Variants in CFAP299 observed in about 807,000 individuals in gnomAD.
CFAP299 encodes the protein cilia- and flagella-associated protein 299.
In CFAP299, 21 loss-of-function variants were observed where a neutral mutation model predicts 27.0. The ratio of observed to expected loss-of-function variants is 0.78; its 90% CI spans 0.55 to 1.12. CFAP299 has a LOEUF of 1.12. Among genes scored for constraint, CFAP299 ranks in the 50% most tolerant of loss-of-function variants. The pLI, the probability that CFAP299 is intolerant of heterozygous loss-of-function variation, is 0.00. For synonymous variants in CFAP299, 104 were observed against 98.1 expected (o/e 1.06, Z -0.36); for missense variants, 310 against 276.6 (o/e 1.12, Z -0.86).
intron 3 of CFAP299, among the ~76,000 whole-genome samples, chr4:80,599,842 C>T (rs1177285754): frequency 6.6e-6 from 1 of 151,862 alleles, no homozygotes; most frequent in Non-Finnish European, 1.5e-5. Flanking sequence ...GTAAAGCATG[C>T]GACCAAATCA....
chr4:80,687,471 G>A (rs1282721964), intron 3 of CFAP299, among the ~76,000 whole-genome samples: 3 of 152,146 alleles, frequency 2.0e-5, no homozygotes, highest in Admixed American at 1.3e-4. Flanking sequence ...AGGATAAACT[G>A]AGGGAGAATT....
intron 2 of CFAP299, among the ~76,000 whole-genome samples, chr4:80,443,464 T>C (rs557666359): frequency 2.0e-5 from 3 of 152,270 alleles, no homozygotes; most frequent in African/African-American, 4.8e-5. Context: ...GAAAAGGCCT[T>C]CGATAAAATT....
Position 80,608,465 on chromosome 4 carries a change from G to T in CFAP299, c.333+25282G>T, listed in dbSNP as rs1737792242. 1.5e-5 allele frequency: 11 copies of T among 735,970 alleles called. 1 individual carries two copies. The highest frequency in any genetic ancestry group is 2.2e-5 in the Non-Finnish European group (10 of 446,630). 45.6% of individuals were successfully genotyped at this position (735,970 alleles called of 1,614,324 possible). ...ATCCTACATATATACTCCACTCCAAGGGCTATTGCTACTGTTTTCCGAATT... is the reference window on the plus strand; with the variant it reads ...ATCCTACATATATACTCCACTCCAATGGCTATTGCTACTGTTTTCCGAATT... On this transcript the variant is annotated intron_variant, in intron 3 of 5. Coordinates refer to ENST00000358105, the MANE Select transcript of CFAP299 (RefSeq NM_152770.3).
chr4:80,715,277 T>TA (rs1410268914), intron 3 of CFAP299, among the ~76,000 whole-genome samples: 4 of 152,058 alleles, frequency 2.6e-5, no homozygotes, highest in African/African-American at 9.7e-5. Context: ...AGTAAAGAAA[T>TA]ACAAAGCATT....
At chr4:80,557,538 A>T (rs1366044977) in intron 2 of CFAP299, among the ~76,000 whole-genome samples, 1 of 152,128 alleles carries the variant, frequency 6.6e-6, no homozygotes, top group Non-Finnish European at 1.5e-5. Flanking sequence ...AGTTACTGCC[A>T]TCAGTACTTC....
chr4:80,454,300 C>G (rs1729044393), intron 2 of CFAP299, among the ~76,000 whole-genome samples: 1 of 152,164 alleles, frequency 6.6e-6, no homozygotes. Flanking sequence ...AATCTATAGA[C>G]AGAGGTCGCA....
chr4:80,825,898 A>G (rs1437176210), intron 3 of CFAP299, among the ~76,000 whole-genome samples: 1 of 151,978 alleles, frequency 6.6e-6, no homozygotes, highest in Non-Finnish European at 1.5e-5. Flanking sequence ...TCTACATTAA[A>G]GACACCAATA....
chr4:80,822,102 CT>C (rs1729740280), intron 3 of CFAP299, among the ~76,000 whole-genome samples: 1 of 152,188 alleles, frequency 6.6e-6, no homozygotes, highest in Non-Finnish European at 1.5e-5. Flanking sequence ...TTGGTAGAAA[CT>C]TCATGCAAGC....
chr4:80,656,666 A>G (rs762483177), intron 3 of CFAP299, among the ~76,000 whole-genome samples: 10 of 152,186 alleles, frequency 6.6e-5, no homozygotes, highest in Non-Finnish European at 1.3e-4. Context: ...TGCTATTGTG[A>G]ACAGTGCTGC....
chr4:80,602,732 G>A (rs193049599), intron 3 of CFAP299, among the ~76,000 whole-genome samples: 82 of 152,154 alleles, frequency 5.4e-4, no homozygotes, highest in Non-Finnish European at 5.9e-5. Flanking sequence ...GGGCCCAGAG[G>A]CTTCCACTTT....
chr4:80,808,299 T>C (rs62302214), intron 3 of CFAP299, among the ~76,000 whole-genome samples: 1 of 152,110 alleles, frequency 6.6e-6, no homozygotes, highest in African/African-American at 2.4e-5. Context: ...GAAGAAAGAA[T>C]CTGCCTTCAT....
At chr4:80,359,744 T>C (rs1194974877) in intron 1 of CFAP299, among the ~76,000 whole-genome samples, 2 of 152,236 alleles carry the variant, frequency 1.3e-5, no homozygotes, top group African/African-American at 4.8e-5. Context: ...GATTTTTAGC[T>C]TCTGTGCATT....
At chr4:80,699,761 A>G (rs1008240486) in intron 3 of CFAP299, among the ~76,000 whole-genome samples, 1 of 152,134 alleles carries the variant, frequency 6.6e-6, no homozygotes, top group African/African-American at 2.4e-5. Flanking sequence ...CCCTGGACAC[A>G]ACCTAGACTT....
chr4:80,769,431 A>G (rs1389041661), intron 3 of CFAP299, among the ~76,000 whole-genome samples: 3 of 152,140 alleles, frequency 2.0e-5, no homozygotes, highest in Non-Finnish European at 4.4e-5. Context: ...GTCTCACTCT[A>G]TTGCCCAGGC....
rs1237399841 is a variant in CFAP299, at chr4:80,447,024, A to G, written c.242+84140A>G. ...AAGGTCTGTTGATTCTACTTGTAAT[A>G]TTTTTTACCTACTGCTTTTATAAGT... On this transcript the variant is annotated intron_variant, in intron 2 of 5. Coordinates refer to ENST00000358105, the MANE Select transcript of CFAP299 (RefSeq NM_152770.3). Among the ~76,000 whole-genome samples, 6 of 147,886 alleles carry G rather than the reference A, an allele frequency of 4.1e-5. No individual in the cohort carries two copies. The East Asian group carries it at 1.2e-3, about 30-fold the overall frequency.
intron 3 of CFAP299, among the ~76,000 whole-genome samples, chr4:80,590,051 A>G (rs1048871123): frequency 1.3e-5 from 2 of 152,196 alleles, no homozygotes; most frequent in Non-Finnish European, 2.9e-5. Context: ...GTTCATAAAC[A>G]TAAGAACAGG....
intron 4 of CFAP299, among the ~76,000 whole-genome samples, chr4:80,934,561 T>C (rs1450041956): frequency 1.3e-5 from 2 of 151,964 alleles, no homozygotes; most frequent in Non-Finnish European, 2.9e-5. Flanking sequence ...CATTGCTGAG[T>C]CAACTTTGTT....
chr4:80,910,866 G>T (rs147614771), intron 4 of CFAP299, among the ~76,000 whole-genome samples: 109 of 152,146 alleles, frequency 7.2e-4, no homozygotes, highest in African/African-American at 2.5e-3. Flanking sequence ...AGTCTTGGAA[G>T]TATGAACTCT....
intron 3 of CFAP299, among the ~76,000 whole-genome samples, chr4:80,775,538 G>T (rs757503406): frequency 4.0e-5 from 6 of 151,806 alleles, no homozygotes; most frequent in Non-Finnish European, 7.4e-5. Context: ...AGTTTGGGGA[G>T]TAAAATGAGA....
Sources: gnomAD v4.1 joint callset for allele counts (sites outside exome capture counted in the v4.1 genomes callset) on GRCh38, gnomAD v4.1.1 for gene constraint, MANE v1.5 for transcripts, NCBI Gene and HGNC (gene_info 2026-07-23, HGNC 2026-07-21) for gene names.